Variants in APP observed in about 807,000 individuals in gnomAD.
APP encodes amyloid beta precursor protein.
A neutral mutation model predicts 101.4 loss-of-function variants in APP; 31 were observed. The ratio of observed to expected loss-of-function variants is 0.31; its 90% CI spans 0.23 to 0.41. The LOEUF is 0.41. Among genes scored for constraint, APP ranks in the 10% least tolerant of loss-of-function variants. APP has a pLI of 1.00. For synonymous variants in APP, 366 were observed against 364.4 expected (o/e 1.00, Z -0.05); for missense variants, 839 against 1,003.7 (o/e 0.84, Z 2.22).
At position 25,905,088 on chromosome 21, in the gene APP, G is replaced by A. The variant is rs1310867735; in HGVS notation, c.1910-11C>T. ...CATCAACAGGCTCAACTGGGCACAG[G>A]AAGCAAGGGACACAGAAAGCAAACA... is the stretch of plus-strand genomic sequence containing the variant. On this transcript the variant is annotated splice_polypyrimidine_tract_variant and intron_variant, in intron 14 of 17. Transcript: ENST00000346798. 3.7e-6 allele frequency: 6 copies of A among 1,612,976 alleles called. No individual in the cohort carries two copies. The highest frequency in any genetic ancestry group is 3.3e-4 in the Middle Eastern group (2 of 6,060).
At chr21:25,902,078 C>T (rs1192810068) in intron 15 of APP, among the ~76,000 whole-genome samples, 3 of 152,172 alleles carry the variant, frequency 2.0e-5, no homozygotes, top group African/African-American at 4.8e-5. Context: ...CTACTTGACA[C>T]TGCATGCTGG....
intron 13 of APP, among the ~76,000 whole-genome samples, chr21:25,916,677 A>C (rs2039364654): frequency 6.6e-6 from 1 of 152,160 alleles, no homozygotes. Flanking sequence ...CAGAACTTTT[A>C]AGCATCTATA....
At chr21:26,119,475 C>T (rs1179706736) in intron 1 of APP, among the ~76,000 whole-genome samples, 2 of 152,200 alleles carry the variant, frequency 1.3e-5, no homozygotes, top group Non-Finnish European at 2.9e-5. Flanking sequence ...TTAGTTCTTT[C>T]CTTAAATCTA....
At chr21:26,169,156 T>C (rs1181030302) in intron 1 of APP, 2 of 152,212 alleles carry the variant, frequency 1.3e-5, no homozygotes, top group African/African-American at 2.4e-5. Context: ...AAAACAGTCA[T>C]TGTGCACAGG....
chr21:25,944,836 G>T (rs1453302697), intron 13 of APP, among the ~76,000 whole-genome samples: 1 of 152,184 alleles, frequency 6.6e-6, no homozygotes, highest in Non-Finnish European at 1.5e-5. Context: ...GGACACATCT[G>T]CTCTAGTGTT....
chr21:25,968,520 CAA>C (rs1471463372), intron 11 of APP, among the ~76,000 whole-genome samples: 2 of 151,948 alleles, frequency 1.3e-5, no homozygotes, highest in Non-Finnish European at 2.9e-5. Flanking sequence ...ATGAGTCAAA[CAA>C]TGCATTTTTA....
intron 3 of APP, among the ~76,000 whole-genome samples, chr21:26,062,914 T>G (rs566177660): frequency 4.8e-4 from 73 of 152,134 alleles, no homozygotes; most frequent in African/African-American, 1.6e-3. Context: ...AGGCACATGC[T>G]ACCATGACCA....
At chr21:26,020,211 T>TA (rs201709250) in intron 6 of APP, among the ~76,000 whole-genome samples, 1,701 of 152,146 alleles carry the variant, frequency 0.011, 35 homozygotes, top group African/African-American at 0.038. Flanking sequence ...ATCCCACTTA[T>TA]AATAACAGTC....
Position 26,126,242 on chromosome 21 carries a change from G to A in APP, c.58-14096C>T, listed in dbSNP as rs2062681761. Among the ~76,000 whole-genome samples the A allele has an allele frequency of 3.9e-5, 6 of 152,190 alleles. No individual in the cohort carries two copies. In the South Asian group the frequency reaches 1.2e-3, roughly 31 times the overall value. On this transcript the variant is annotated intron_variant, in intron 1 of 17. Transcript: ENST00000346798. The stretch of plus-strand genomic sequence containing the variant: ...ACTTTACTGCTGTTGTTCATAGCAT[G>A]TAATTCTAGATAATAAGAATTTTAG...
intron 2 of APP, among the ~76,000 whole-genome samples, chr21:26,107,082 G>C (rs913398892): frequency 6.6e-6 from 1 of 152,186 alleles, no homozygotes; most frequent in Non-Finnish European, 1.5e-5. Flanking sequence ...TCTACAGCAT[G>C]TTCCTCCAGT....
At chr21:26,143,826 T>C (rs2063100099) in intron 1 of APP, among the ~76,000 whole-genome samples, 2 of 152,206 alleles carry the variant, frequency 1.3e-5, no homozygotes, top group African/African-American at 4.8e-5. Flanking sequence ...CTGGCTTATT[T>C]CACTTAGCTT....
chr21:26,146,753 T>C (rs954938246), intron 1 of APP, among the ~76,000 whole-genome samples: 6 of 152,232 alleles, frequency 3.9e-5, no homozygotes, highest in Admixed American at 3.9e-4. Context: ...AAAATGTTCA[T>C]TTTTCTCTGA....
Position 25,993,116 on chromosome 21 carries a change from G to A in APP, c.1090+4244C>T, listed in dbSNP as rs1287172391. 2.6e-5 allele frequency among the ~76,000 whole-genome samples: 4 copies of A among 152,094 alleles called. No homozygotes were observed. The East Asian group carries it at 5.8e-4, about 22-fold the overall frequency. ...TATGAGCTTCTGCGGCAACAAACTT[G>A]GAACCTGGGGATGGAACTTGGGGCC... On this transcript the variant is annotated intron_variant, in intron 8 of 17. Transcript: ENST00000346798.
At chr21:26,025,035 C>T (rs893349509) in intron 5 of APP, among the ~76,000 whole-genome samples, 2 of 152,074 alleles carry the variant, frequency 1.3e-5, no homozygotes, top group East Asian at 1.9e-4. Context: ...AAAAGAGAAA[C>T]AGAAAACACT....
intron 1 of APP, among the ~76,000 whole-genome samples, chr21:26,165,578 G>A (rs563138704): frequency 8.5e-5 from 13 of 152,236 alleles, no homozygotes; most frequent in South Asian, 8.3e-4. Flanking sequence ...CTAACATCAC[G>A]CCTGGCATCA....
intron 3 of APP, among the ~76,000 whole-genome samples, chr21:26,080,885 G>C (rs2061585103): frequency 6.6e-6 from 1 of 151,920 alleles, no homozygotes; most frequent in Non-Finnish European, 1.5e-5. Flanking sequence ...TACCGCTACT[G>C]AGTTGGTCTT....
intron 1 of APP, among the ~76,000 whole-genome samples, chr21:26,157,392 C>T (rs1018405027): frequency 6.6e-6 from 1 of 152,022 alleles, no homozygotes; most frequent in African/African-American, 2.4e-5. Flanking sequence ...CTTAAAACTG[C>T]GGGATCAAAA....
chr21:26,018,448 A>T lies in APP; in HGVS notation c.865+3392T>A, dbSNP rs551908900. The stretch of plus-strand genomic sequence containing the variant: ...ACCTATGGCGTTGCCATTGCTCTCA[A>T]TTAGGGAAGAACCACAAGTCACCTT... On this transcript the variant is annotated intron_variant, in intron 6 of 17. Coordinates refer to ENST00000346798, the MANE Select transcript of APP (RefSeq NM_000484.4). Among the ~76,000 whole-genome samples the T allele has an allele frequency of 1.1e-4, 16 of 152,348 alleles. No homozygotes were observed. The South Asian group carries it at 3.3e-3, about 32-fold the overall frequency.
chr21:26,039,140 G>A (rs1255596260), intron 5 of APP, among the ~76,000 whole-genome samples: 3 of 152,262 alleles, frequency 2.0e-5, no homozygotes, highest in Non-Finnish European at 4.4e-5. Context: ...ATCACTGTAA[G>A]TGCAATACTG....
Sources: gnomAD v4.1 joint callset for allele counts (sites outside exome capture counted in the v4.1 genomes callset) on GRCh38, gnomAD v4.1.1 for gene constraint, MANE v1.5 for transcripts, NCBI Gene and HGNC (gene_info 2026-07-23, HGNC 2026-07-21) for gene names.